Variants in MYO7B observed in about 807,000 individuals in gnomAD.
MYO7B encodes myosin VIIB.
A neutral mutation model predicts 259.7 loss-of-function variants in MYO7B; 212 were observed. That is an observed-to-expected ratio of 0.82 (90% CI 0.73 to 0.91). The LOEUF (loss-of-function observed/expected upper bound fraction) is 0.91. Ranked by LOEUF, MYO7B falls within the 40% of genes least tolerant of loss-of-function variation. MYO7B has a pLI of 0.00. For synonymous variants in MYO7B, 1,197 were observed against 1,166.4 expected (o/e 1.03, Z -0.54); for missense variants, 2,732 against 2,813.5 (o/e 0.97, Z 0.66).
intron 1 of MYO7B, among the ~76,000 whole-genome samples, chr2:127,554,471 G>A (rs1350640649): frequency 1.3e-5 from 2 of 152,184 alleles, no homozygotes; most frequent in Non-Finnish European, 1.5e-5. Context: ...GATGCTGTTG[G>A]ATTCAGTTAG....
At position 127,585,143 on chromosome 2, in the gene MYO7B, A is replaced by C. The variant is rs542789542; in HGVS notation, c.1690+230A>C. On this transcript the variant is annotated intron_variant, in intron 14 of 47. Coordinates refer to ENST00000409816, the MANE Select transcript of MYO7B (RefSeq NM_001393586.1). This position sits in a 1 kb window ranked among gnomAD's most constrained non-coding sequence, Gnocchi z 4.3. ...AATTCACATACCATGTTATTTACCT[A>C]TTTTAAGTGTACGACTTGACTGTAA... 3.7e-4 allele frequency among the ~76,000 whole-genome samples: 56 copies of C among 152,304 alleles called. No homozygotes were observed. The highest frequency in any genetic ancestry group is 1.3e-3 in the African/African-American group (54 of 41,560).
chr2:127,621,140 C>G (rs1211097505), intron 27 of MYO7B, among the ~76,000 whole-genome samples: 1 of 152,192 alleles, frequency 6.6e-6, no homozygotes, highest in Non-Finnish European at 1.5e-5. Flanking sequence ...ACCAGTAAAC[C>G]CTTCCAGGCT....
In MYO7B at chr2:127,614,010, C is replaced by T. The variant is rs1166433016; in HGVS notation, c.3398+1407C>T. On this transcript the variant is annotated intron_variant, in intron 26 of 47. Coordinates refer to ENST00000409816, the MANE Select transcript of MYO7B (RefSeq NM_001393586.1). This position sits in a 1 kb window ranked among gnomAD's most constrained non-coding sequence, Gnocchi z 4.6. Reference sequence around the variant, plus strand: ...CTGGTTCTTCAAGCCAGTAAGACTACAGGGCTTCTCAAGTTTTAGCTGCCT... The same window carrying T: ...CTGGTTCTTCAAGCCAGTAAGACTATAGGGCTTCTCAAGTTTTAGCTGCCT... Among the ~76,000 whole-genome samples, 1 of 152,190 alleles carries T rather than the reference C, an allele frequency of 6.6e-6. No homozygotes were observed. Among genetic ancestry groups the T allele is most frequent in the Non-Finnish European group, 1.5e-5 (1 of 68,030 alleles).
chr2:127,611,498 C>T lies in MYO7B; in HGVS notation c.3193-752C>T, dbSNP rs1053457678. Reference sequence around the variant, plus strand: ...GTGTTTATTAAATATCCATGACGTGCCCCAGACACAGAGCAGTGAGCCCAG... The same window carrying T: ...GTGTTTATTAAATATCCATGACGTGTCCCAGACACAGAGCAGTGAGCCCAG... On this transcript the variant is annotated intron_variant, in intron 24 of 47. Transcript: ENST00000409816. This position sits in a 1 kb window ranked among gnomAD's most constrained non-coding sequence, Gnocchi z 5.4. Among the ~76,000 whole-genome samples the T allele has an allele frequency of 6.6e-6, 1 of 152,178 alleles. No homozygotes were observed. Among genetic ancestry groups the T allele is most frequent in the African/African-American group, 2.4e-5 (1 of 41,438 alleles).
rs945666109 is a variant in MYO7B at position 127,633,111 on chromosome 2, G to T, written c.5406-147G>T. On this transcript the variant is annotated intron_variant, in intron 39 of 47. Coordinates refer to ENST00000409816, the MANE Select transcript of MYO7B (RefSeq NM_001393586.1). ...GCGTGGAGCCAGGGGCAGCCCCCAG[G>T]ACATGCGAGGGGCTGGAACCACCCC... 4.8e-6 allele frequency: 3 copies of T among 631,192 alleles called. No individual in the cohort carries two copies. The African/African-American group carries it at 5.5e-5, about 12-fold the overall frequency. The allele number at this position is 631,192 out of a possible 1,614,324, so 39.1% of individuals were successfully genotyped here. A position where few individuals can be genotyped will look rare whatever the true frequency, so the allele number is the denominator to read the frequency against.
intron 26 of MYO7B, among the ~76,000 whole-genome samples, chr2:127,619,512 A>T (rs1483247223): frequency 1.3e-5 from 2 of 152,104 alleles, no homozygotes; most frequent in Non-Finnish European, 1.5e-5. Flanking sequence ...CCTGTAGACC[A>T]CAGAAAGAGG....
intron 18 of MYO7B, 78 bp downstream of exon 18, chr2:127,593,722 T>G: frequency 1.5e-6 from 2 of 1,298,886 alleles, no homozygotes; most frequent in Non-Finnish European, 1.1e-6. Context: ...AGGCCCGGGG[T>G]CCATGGTCCA....
intron 39 of MYO7B, 119 bp from the exon 40 acceptor site, chr2:127,633,139 T>G: frequency 1.3e-6 from 1 of 767,512 alleles, no homozygotes; most frequent in Non-Finnish European, 2.1e-6. Flanking sequence ...ACCACCCCAG[T>G]GATGGTCACT....
In MYO7B at chr2:127,635,241, G is replaced by A. The variant is rs1170226421; in HGVS notation, c.5820+15G>A. ...ATTACCACCAGGTACCGGGCAGGCT[G>A]CCCTGGTGGGCACTGGGGCCACCCC... On this transcript the variant is annotated intron_variant, in intron 43 of 47. Transcript: ENST00000409816. 6.9e-6 allele frequency: 11 copies of A among 1,603,976 alleles called. No individual in the cohort carries two copies. The highest frequency in any genetic ancestry group is 8.5e-6 in the Non-Finnish European group (10 of 1,173,764).
chr2:127,600,674 C>T (rs1304487999), intron 19 of MYO7B, among the ~76,000 whole-genome samples: 1 of 152,232 alleles, frequency 6.6e-6, no homozygotes, highest in Non-Finnish European at 1.5e-5. Context: ...TGTGCCATTG[C>T]ACTTCAGCCT....
intron 26 of MYO7B, among the ~76,000 whole-genome samples, chr2:127,618,750 T>C (rs1680690756): frequency 6.6e-6 from 1 of 152,172 alleles, no homozygotes; most frequent in Non-Finnish European, 1.5e-5. Flanking sequence ...TTGGATTCCA[T>C]CCTAAGGGAA....
At chr2:127,620,283 T>A (rs1440225291) in intron 26 of MYO7B, 57 bp from the exon 27 acceptor site, 18 of 1,558,294 alleles carry the variant, frequency 1.2e-5, no homozygotes, top group Non-Finnish European at 1.7e-6. Context: ...CAGGTACCCC[T>A]GTCTCCTCTC....
chr2:127,631,342 A>G lies in MYO7B; in HGVS notation c.5074A>G (p.Ile1692Val), dbSNP rs1681495792. 2 of 1,609,406 alleles carry G rather than the reference A, an allele frequency of 1.2e-6. No homozygotes were observed. The highest frequency in any genetic ancestry group is 1.1e-5 in the South Asian group (1 of 90,918). The change falls in exon 37 of 48, where the codon ATC (isoleucine) becomes GTC (valine). Residue 1692 changes from isoleucine to valine, a missense_variant. By Grantham distance (29) the Ile-to-Val change is conservative (BLOSUM62 3). This residue lies in a region of MYO7B where 821 missense variants were observed against 769.3 expected (regional missense o/e 1.07). Coordinates refer to ENST00000409816, the MANE Select transcript of MYO7B (RefSeq NM_001393586.1). ...CCACGCCAACGTCGACCTCTGGGAC[A>G]TCGCCTGCCAGATCTTTGTCGATAT... Reference protein sequence around the residue: ...RVHANVDLWDIACQIFVAILR... With the variant: ...RVHANVDLWDVACQIFVAILR...
chr2:127,576,570 C>G lies in MYO7B; in HGVS notation c.736-25C>G. On this transcript the variant is annotated intron_variant, in intron 7 of 47. Transcript: ENST00000409816. This position sits in a 1 kb window ranked among gnomAD's most constrained non-coding sequence, Gnocchi z 4.9. ...TCAGGGGAATGGCTCATGAATCTGT[C>G]TGGAATGCCCTCCCTCCCTCCCAGG... The G allele has an allele frequency of 1.4e-6, 2 of 1,455,376 alleles. No homozygotes were observed. The highest frequency in any genetic ancestry group is 1.9e-6 in the Non-Finnish European group (2 of 1,050,230). The allele number at this position is 1,455,376 out of a possible 1,614,324, so 90.2% of individuals were successfully genotyped here. A position where few individuals can be genotyped will look rare whatever the true frequency, so the allele number is the denominator to read the frequency against.
Position 127,601,303 on chromosome 2 carries a change from G to A in MYO7B, c.2340-4541G>A, listed in dbSNP as rs113017734. 8.1e-3 allele frequency among the ~76,000 whole-genome samples: 1,227 copies of A among 152,296 alleles called. 8 individuals are homozygous for A. The highest frequency in any genetic ancestry group is 0.012 in the Non-Finnish European group (811 of 68,022). ...AGAACATATATTTTGCTGTTAATTC[G>A]GAGGTGTGCTCTGAAAAATGTCAAT... is the stretch of plus-strand genomic sequence containing the variant. On this transcript the variant is annotated intron_variant, in intron 19 of 47. Coordinates refer to ENST00000409816, the MANE Select transcript of MYO7B (RefSeq NM_001393586.1).
Position 127,629,691 on chromosome 2 carries a change from C to T in MYO7B, c.4671C>T (p.Leu1557=). 6.2e-7 allele frequency: 1 copy of T among 1,612,434 alleles called. No homozygotes were observed. The highest frequency in any genetic ancestry group is 2.2e-5 in the East Asian group (1 of 44,800). Reference sequence around the variant, plus strand: ...TCAAGAAGGGGGACCTGTTGGTCCTCACAAAGAAGCAGGGGCTGCTGGCCT... The same window carrying T: ...TCAAGAAGGGGGACCTGTTGGTCCTTACAAAGAAGCAGGGGCTGCTGGCCT... The part of the protein sequence containing the change: ...LAFKKGDLLV[L]TKKQGLLASE... The change falls in exon 35 of 48, where the codon CTC becomes CTT. Residue 1557 remains leucine, a synonymous_variant. Coordinates refer to ENST00000409816, the MANE Select transcript of MYO7B (RefSeq NM_001393586.1).
At chr2:127,629,957 GCAGCCCC>G (rs1681379682) in intron 35 of MYO7B, 131 bp downstream of exon 35, 1 of 980,518 alleles carries the variant, frequency 1.0e-6, no homozygotes, top group African/African-American at 1.7e-5. Flanking sequence ...GGCCACCCGG[GCAGCCCC>G]CACCATTCCT....
chr2:127,560,228 G>C (rs1361944799), intron 2 of MYO7B, among the ~76,000 whole-genome samples: 1 of 151,982 alleles, frequency 6.6e-6, no homozygotes, highest in Non-Finnish European at 1.5e-5. Context: ...GTTTTGCCAT[G>C]TTGCCCAGGC....
chr2:127,545,628 C>A (rs542985029), intron 1 of MYO7B, among the ~76,000 whole-genome samples: 4 of 152,356 alleles, frequency 2.6e-5, no homozygotes, highest in African/African-American at 9.6e-5. Context: ...CTTGTCTGGC[C>A]TGGTGGATGG....
Sources: allele counts gnomAD v4.1 joint callset (sites outside exome capture counted in the v4.1 genomes callset), GRCh38; gene constraint gnomAD v4.1.1; regional missense constraint gnomAD v4.1.1; non-coding constraint Gnocchi (gnomAD v3.1); transcripts MANE v1.5; gene names NCBI Gene and HGNC (gene_info 2026-07-23, HGNC 2026-07-21).